The following TRPM5 variants were observed in gnomAD, a reference collection of about 807,000 sequenced individuals.
TRPM5 encodes MLSN1 and TRP-related.
Under a neutral mutation model 124.9 loss-of-function variants are expected in TRPM5, and 121 were observed. The ratio of observed to expected loss-of-function variants is 0.97; its 90% CI spans 0.84 to 1.13. The LOEUF (loss-of-function observed/expected upper bound fraction) is 1.13, where lower values mean the gene tolerates loss of function less well. Ranked by LOEUF, TRPM5 falls within the 50% of genes most tolerant of loss-of-function variation. The pLI is 0.00. For synonymous variants in TRPM5, 781 were observed against 700.5 expected (o/e 1.11, Z -1.81); for missense variants, 1,643 against 1,589.1 (o/e 1.03, Z -0.58).
chr11:2,419,622 C>CA lies in TRPM5; in HGVS notation c.649+599dup, dbSNP rs3986606. Reference sequence around the variant, plus strand: ...TGGGGGACAGAGTGAGATTCTGCCTCAAAAAAAAAAAAAAAAAACAGAGGG... The same window carrying CA: ...TGGGGGACAGAGTGAGATTCTGCCTCAAAAAAAAAAAAAAAAAAACAGAGGG... On this transcript the variant is annotated intron_variant, in intron 4 of 23. Transcript: ENST00000155858. Among the ~76,000 whole-genome samples the CA allele has an allele frequency of 9.7e-3, 1,226 of 126,808 alleles. 19 individuals carry two copies. The highest frequency in any genetic ancestry group is 0.021 in the African/African-American group (742 of 35,748). The allele number at this position is 126,808 out of a possible 152,430, so 83.2% of individuals were successfully genotyped here.
chr11:2,441,384 G>A, the TRPM5 span, among the ~76,000 whole-genome samples: 3 of 152,026 alleles, frequency 2.0e-5, no homozygotes, highest in African/African-American at 7.2e-5. This position sits in a 1 kb window ranked among gnomAD's most constrained non-coding sequence, Gnocchi z 7.2. Flanking sequence ...GTCCTACCAG[G>A]CCATCCACCC....
In TRPM5 at chr11:2,411,357, A is replaced by G. The variant is rs760272755; in HGVS notation, c.2777T>C (p.Ile926Thr). ...CCCGCTGGCTGTGTGCAAACCATCA[A>G]TCTCGTCCAGTGGGATCTGGCCGAA... The change falls in exon 18 of 24, where the codon ATT becomes ACT. Residue 926 changes from isoleucine to threonine, a missense_variant. Transcript: ENST00000155858. 6.9e-6 allele frequency: 11 copies of G among 1,598,404 alleles called. No homozygotes were observed. The highest frequency in any genetic ancestry group is 2.2e-5 in the East Asian group (1 of 44,516).
exon 24 of TRPM5, chr11:2,404,773 G>A: frequency 1.7e-6 from 1 of 596,666 alleles, no homozygotes; most frequent in Non-Finnish European, 3.0e-6. Flanking sequence ...ACAAGGAGCG[G>A]TTCCTTTGGG....
In TRPM5 at chr11:2,422,909, C is replaced by A; in HGVS notation, c.117+11G>T. 1.9e-6 allele frequency: 3 copies of A among 1,609,624 alleles called. No homozygotes were observed. Among genetic ancestry groups the A allele is most frequent in the Admixed American group, 1.7e-5 (1 of 60,004 alleles). On this transcript the variant is annotated intron_variant, in intron 1 of 23. Transcript: ENST00000155858. ...GGCGGACATCACCTGAGGCCTGGGGCCTGCCCTTACCTTGCCTCGCTTCTT... is the reference window on the plus strand; with the variant it reads ...GGCGGACATCACCTGAGGCCTGGGGACTGCCCTTACCTTGCCTCGCTTCTT...
the TRPM5 span, among the ~76,000 whole-genome samples, chr11:2,430,407 T>C: frequency 5.3e-5 from 8 of 152,230 alleles, no homozygotes; most frequent in Admixed American, 5.2e-4. Context: ...CTTTCCTCGG[T>C]AAATTACTCA....
intron 7 of TRPM5, 114 bp from the exon 13 acceptor site, chr11:2,416,138 C>A: frequency 1.4e-6 from 1 of 705,900 alleles, no homozygotes; most frequent in Non-Finnish European, 2.4e-6. Context: ...GAACTTCACG[C>A]TGGGACTTGA....
chr11:2,437,778 T>C, the TRPM5 span, among the ~76,000 whole-genome samples: 1 of 152,014 alleles, frequency 6.6e-6, no homozygotes, highest in East Asian at 1.9e-4. The surrounding 1 kb of genome is among the most constrained non-coding windows in gnomAD (Gnocchi z 5.6). Context: ...TGGGGTCCCC[T>C]CCCAGACCTG....
At chr11:2,405,220 C>T (rs927219980) in intron 23 of TRPM5, among the ~76,000 whole-genome samples, 177 bp from the exon 29 acceptor site, 2 of 152,242 alleles carry the variant, frequency 1.3e-5, no homozygotes, top group African/African-American at 2.4e-5. Context: ...GCCTGCACTC[C>T]TGGGACTAGG....
At chr11:2,418,807 A>G (rs1845726222) in intron 4 of TRPM5, among the ~76,000 whole-genome samples, 3 of 152,202 alleles carry the variant, frequency 2.0e-5, no homozygotes, top group Admixed American at 6.5e-5. Context: ...CAGCACGCGC[A>G]CTTTGTGGCA....
At chr11:2,414,099 C>G in exon 12 of TRPM5, 1 of 1,592,638 alleles carries the variant, frequency 6.3e-7, no homozygotes, top group South Asian at 1.1e-5. Flanking sequence ...TTGGCGTCAG[C>G]CTCGGTGGCC....
chr11:2,430,761 TTGGTGGTGGTGATGGTGGTGTTGATGG>T, the TRPM5 span, among the ~76,000 whole-genome samples: 1 of 75,710 alleles, frequency 1.3e-5, no homozygotes, highest in African/African-American at 6.3e-5. Context: ...GGTGGTGGTT[TTGGTGGTGGTGATGGTGGTGTTGATGG>T]TGGTGGTGGT....
rs1322648712 is a variant in TRPM5, at chr11:2,405,572, C to T, written c.3346G>A (p.Val1116Met). Residue 1116 changes from valine (V) to methionine (M), a missense_variant, in exon 23 of 24, where the codon GTG (valine) becomes ATG (methionine). Val to Met is a conservative substitution (Grantham distance 21, BLOSUM62 1). Coordinates refer to ENST00000155858, the Ensembl canonical transcript of TRPM5. ...GCCAGCACGTCAGCCACGGAGGACA[C>T]GAGCACCGAGCAGTAGTTGATCTGG... The T allele has an allele frequency of 1.5e-5, 23 of 1,564,566 alleles. No individual in the cohort carries two copies. Among genetic ancestry groups the T allele is most frequent in the Admixed American group, 1.9e-5 (1 of 52,492 alleles).
chr11:2,406,988 G>A (rs1044473406), intron 20 of TRPM5, 131 bp downstream of exon 25: 19 of 1,315,944 alleles, frequency 1.4e-5, no homozygotes, highest in Non-Finnish European at 1.6e-5. Context: ...AGCCTGCACA[G>A]AGCCCAGCTG....
At chr11:2,411,503 G>T (rs772509402) in exon 18 of TRPM5, 5 of 1,609,484 alleles carry the variant, frequency 3.1e-6, no homozygotes, top group Middle Eastern at 3.3e-4. Flanking sequence ...TCAGAAAGAA[G>T]AGGAAGAAGA....
chr11:2,417,923 TC>T, intron 6 of TRPM5, 94 bp from the exon 12 acceptor site: 2 of 1,266,562 alleles, frequency 1.6e-6, no homozygotes, highest in Non-Finnish European at 2.2e-6. Context: ...ACAGGCAGCG[TC>T]CCCAGGTGAG....
chr11:2,411,386 C>T, exon 18 of TRPM5: 2 of 1,610,078 alleles, frequency 1.2e-6, no homozygotes, highest in South Asian at 2.2e-5. Context: ...GGCCGAAGAT[C>T]TGCAGGTAGG....
chr11:2,418,132 G>A, intron 6 of TRPM5, 35 bp downstream of exon 11: 1 of 1,503,340 alleles, frequency 6.7e-7, no homozygotes, highest in Non-Finnish European at 9.0e-7. Flanking sequence ...CCCCGGAGGA[G>A]GGGTCGGGAG....
chr11:2,423,275 C>A (rs1365214650), upstream of TRPM5, among the ~76,000 whole-genome samples: 1 of 152,226 alleles, frequency 6.6e-6, no homozygotes, highest in African/African-American at 2.4e-5. Context: ...CCGCCCCAAC[C>A]AAGCTCCTTC....
At chr11:2,406,146 G>A in intron 21 of TRPM5, 55 bp from the exon 27 acceptor site, 1 of 1,586,766 alleles carries the variant, frequency 6.3e-7, no homozygotes, top group Non-Finnish European at 8.6e-7. Context: ...CTCTGCGTGT[G>A]GGGAGCCTCC....
Sources: gnomAD v4.1 joint callset for allele counts (sites outside exome capture counted in the v4.1 genomes callset) on GRCh38, gnomAD v4.1.1 for gene constraint, Gnocchi (gnomAD v3.1) non-coding constraint, MANE v1.5 for transcripts, NCBI Gene and HGNC (gene_info 2026-07-23, HGNC 2026-07-21) for gene names.